Variants in PRKAR1B observed in about 807,000 individuals in gnomAD.
The protein encoded by PRKAR1B is cAMP-dependent protein kinase type I-beta regulatory subunit.
PRKAR1B carries 22 observed loss-of-function variants against 46.5 expected under a neutral mutation model. That is an observed-to-expected ratio of 0.47 (90% confidence interval 0.34 to 0.68). PRKAR1B has a LOEUF of 0.68. Ranked by LOEUF, PRKAR1B falls within the 30% of genes least tolerant of loss-of-function variation. The pLI is 0.01. For synonymous variants in PRKAR1B, 259 were observed against 217.7 expected (o/e 1.19, Z -1.67); for missense variants, 445 against 535.6 (o/e 0.83, Z 1.67).
chr7:608,708 G>A (rs1303588495), intron 4 of PRKAR1B, among the ~76,000 whole-genome samples: 2 of 120,736 alleles, frequency 1.7e-5, no homozygotes. Flanking sequence ...GGCCTCCACC[G>A]TCCTCCCACC....
intron 4 of PRKAR1B, among the ~76,000 whole-genome samples, chr7:646,497 G>T (rs9691438): frequency 0.079 from 12,099 of 152,292 alleles, 948 homozygotes; most frequent in African/African-American, 0.2. Flanking sequence ...ACAGAAAATG[G>T]TTCCTCCTTC....
chr7:646,693 T>C (rs947930267), intron 4 of PRKAR1B, among the ~76,000 whole-genome samples: 13 of 152,196 alleles, frequency 8.5e-5, no homozygotes, highest in African/African-American at 3.1e-4. Flanking sequence ...ATGAGATGCA[T>C]GAAATCACAC....
At chr7:701,774 T>A (rs1475582629) in intron 2 of PRKAR1B, among the ~76,000 whole-genome samples, 1 of 152,192 alleles carries the variant, frequency 6.6e-6, no homozygotes. Flanking sequence ...CATGTCCTTG[T>A]CCTTCAGGAA....
Position 595,058 on chromosome 7 carries a change from C to A in PRKAR1B, c.708+1088G>T, listed in dbSNP as rs1308077225. ...AGCTGCCCTCAAGCTCCCACCGTGG[C>A]TCCTGAGCACTCTGACAGGGTGCTT... On this transcript the variant is annotated intron_variant, in intron 7 of 10. Coordinates refer to ENST00000537384, the MANE Select transcript of PRKAR1B (RefSeq NM_001164760.2). Among the ~76,000 whole-genome samples the A allele has an allele frequency of 2.0e-5, 3 of 152,346 alleles. No individual in the cohort carries two copies. In the South Asian group the frequency reaches 6.2e-4, roughly 32 times the overall value.
chr7:722,862 AC>A (rs1781122322), intron 1 of PRKAR1B, among the ~76,000 whole-genome samples: 1 of 152,182 alleles, frequency 6.6e-6, no homozygotes, highest in Admixed American at 6.5e-5. Context: ...ACTCTATTCC[AC>A]CAGGCAGTTG....
Position 727,261 on chromosome 7 carries a change from G to A in PRKAR1B, c.-74C>T, listed in dbSNP as rs1200392493. The A allele has an allele frequency of 5.3e-6, 7 of 1,328,982 alleles. No individual in the cohort carries two copies. Among genetic ancestry groups the A allele is most frequent in the Admixed American group, 3.8e-5 (1 of 26,388 alleles). 82.3% of individuals were successfully genotyped at this position (1,328,982 alleles called of 1,614,324 possible). A position where few individuals can be genotyped will look rare whatever the true frequency, so the allele number is the denominator to read the frequency against. On this transcript the variant is annotated 5_prime_UTR_variant, in exon 1 of 11. Coordinates refer to ENST00000537384, the MANE Select transcript of PRKAR1B (RefSeq NM_001164760.2). ...CTGCTCCCTGCTCGACCCCTTCGCC[G>A]CCGTGCGCCGCGAGAGCTGCAGCTG...
upstream of PRKAR1B, chr7:727,409 C>A: frequency 1.6e-6 from 1 of 628,786 alleles, no homozygotes; most frequent in Non-Finnish European, 2.1e-6. Flanking sequence ...GCGGCTCGGC[C>A]CCGCCCCCCT....
chr7:634,269 G>A (rs1027333483), intron 4 of PRKAR1B, among the ~76,000 whole-genome samples: 6 of 151,798 alleles, frequency 4.0e-5, no homozygotes, highest in East Asian at 3.9e-4. Context: ...TGATCCGCCC[G>A]CCTCAGCCTC....
In PRKAR1B at chr7:593,913, CTG is replaced by C. The variant is rs1781124361; in HGVS notation, c.708+2231_708+2232del. Among the ~76,000 whole-genome samples, 1 of 152,196 alleles carries C rather than the reference CTG, an allele frequency of 6.6e-6. No individual in the cohort carries two copies. Among genetic ancestry groups the C allele is most frequent in the African/African-American group, 2.4e-5 (1 of 41,462 alleles). ...TCTGATGAAACAGCCGCCCCAAAGA[CTG>C]TGCGAACGCGCCATCCACAAAACAC... is the stretch of plus-strand genomic sequence containing the variant. On this transcript the variant is annotated intron_variant, in intron 7 of 10. Coordinates refer to ENST00000537384, the MANE Select transcript of PRKAR1B (RefSeq NM_001164760.2). The surrounding 1 kb of genome is among the most constrained non-coding windows in gnomAD (Gnocchi z 6.1).
chr7:646,127 C>A (rs181935254), intron 4 of PRKAR1B, among the ~76,000 whole-genome samples: 179 of 152,126 alleles, frequency 1.2e-3, no homozygotes, highest in African/African-American at 4.1e-3. Flanking sequence ...CTCACTGAAA[C>A]CTCAACCTCC....
At chr7:669,622 G>A (rs1486435658) in intron 4 of PRKAR1B, among the ~76,000 whole-genome samples, 1 of 151,898 alleles carries the variant, frequency 6.6e-6, no homozygotes, top group East Asian at 2.0e-4. Context: ...AAATTAGCCA[G>A]GTGTGGTGGC....
At chr7:568,558 A>C (rs1253004060) in intron 9 of PRKAR1B, among the ~76,000 whole-genome samples, 2 of 152,210 alleles carry the variant, frequency 1.3e-5, no homozygotes, top group Non-Finnish European at 2.9e-5. Context: ...ACATCATCAG[A>C]AGGTCTGGGA....
At chr7:574,443 C>G (rs1001142561) in intron 9 of PRKAR1B, among the ~76,000 whole-genome samples, 1 of 150,926 alleles carries the variant, frequency 6.6e-6, no homozygotes, top group Non-Finnish European at 1.5e-5. Context: ...ATTAACAGAT[C>G]CAGATTTTTT....
chr7:637,927 G>A (rs1371420340), intron 4 of PRKAR1B, among the ~76,000 whole-genome samples: 3 of 151,802 alleles, frequency 2.0e-5, no homozygotes, highest in African/African-American at 7.3e-5. Flanking sequence ...TGCATGGGGG[G>A]CAGCTCCGTG....
intron 2 of PRKAR1B, among the ~76,000 whole-genome samples, chr7:688,255 A>G (rs1182323395): frequency 6.6e-6 from 1 of 151,970 alleles, no homozygotes; most frequent in East Asian, 1.9e-4. Flanking sequence ...ATACAAAAAA[A>G]GTAGCTGGGC....
intron 1 of PRKAR1B, among the ~76,000 whole-genome samples, chr7:715,306 A>C (rs1294793321): frequency 6.6e-6 from 1 of 152,124 alleles, no homozygotes; most frequent in Non-Finnish European, 1.5e-5. Flanking sequence ...CCCCCAAAAC[A>C]CACACTGACA....
At chr7:637,255 C>T (rs1362441338) in intron 4 of PRKAR1B, among the ~76,000 whole-genome samples, 18 of 151,994 alleles carry the variant, frequency 1.2e-4, no homozygotes, top group Non-Finnish European at 2.5e-4. Flanking sequence ...CCGTCTCTAA[C>T]TAAAAATACA....
chr7:570,500 CCTACTT>C (rs1273126341), intron 9 of PRKAR1B, among the ~76,000 whole-genome samples: 2 of 152,116 alleles, frequency 1.3e-5, no homozygotes, highest in Admixed American at 6.5e-5. Context: ...GACTCCTACT[CCTACTT>C]CAATACCCGT....
intron 4 of PRKAR1B, among the ~76,000 whole-genome samples, chr7:631,806 A>T (rs1783760970): frequency 6.6e-6 from 1 of 152,024 alleles, no homozygotes; most frequent in South Asian, 2.1e-4. Flanking sequence ...AAAAATTGGA[A>T]ATTAGCCAGG....
Sources: gnomAD v4.1 joint callset for allele counts (sites outside exome capture counted in the v4.1 genomes callset) on GRCh38, gnomAD v4.1.1 for gene constraint, Gnocchi (gnomAD v3.1) non-coding constraint, MANE v1.5 for transcripts, NCBI Gene and HGNC (gene_info 2026-07-23, HGNC 2026-07-21) for gene names.